The following MAP3K8 variants were observed in gnomAD, a reference collection of about 807,000 sequenced individuals.
MAP3K8 encodes Ewing sarcoma transformant.
MAP3K8 carries 22 observed loss-of-function variants against 45.8 expected under a neutral mutation model. That is an observed-to-expected ratio of 0.48 (90% confidence interval 0.34 to 0.69). The LOEUF (loss-of-function observed/expected upper bound fraction) is 0.69, where lower values mean the gene tolerates loss of function less well. Ranked by LOEUF, MAP3K8 falls within the 30% of genes least tolerant of loss-of-function variation. The pLI, the probability that MAP3K8 is intolerant of heterozygous loss-of-function variation, is 0.01. For synonymous variants in MAP3K8, 223 were observed against 214.3 expected (o/e 1.04, Z -0.36); for missense variants, 419 against 585.0 (o/e 0.72, Z 2.93).
At chr10:30,443,228 T>G (rs575900143) in intron 3 of MAP3K8, among the ~76,000 whole-genome samples, 4 of 152,222 alleles carry the variant, frequency 2.6e-5, no homozygotes, top group Non-Finnish European at 5.9e-5. Flanking sequence ...CACCTGTCTG[T>G]GCCTCAGTTT....
intron 3 of MAP3K8, among the ~76,000 whole-genome samples, chr10:30,439,717 G>C (rs1026679038): frequency 6.6e-6 from 1 of 152,114 alleles, no homozygotes; most frequent in Non-Finnish European, 1.5e-5. Flanking sequence ...GCTGAGGCAC[G>C]AGAATCCCTT....
At chr10:30,451,512 C>A in intron 5 of MAP3K8, 126 bp from the exon 6 acceptor site, 1 of 504,704 alleles carries the variant, frequency 2.0e-6, no homozygotes, top group South Asian at 3.6e-5. Context: ...ATAATACAAC[C>A]ATCTCACTAG....
chr10:30,435,266 G>A (rs1199246818), intron 1 of MAP3K8, among the ~76,000 whole-genome samples: 1 of 152,184 alleles, frequency 6.6e-6, no homozygotes, highest in Admixed American at 6.5e-5. Context: ...GGCCTGAGTC[G>A]TTTGTGCCAA....
intron 6 of MAP3K8, among the ~76,000 whole-genome samples, chr10:30,452,849 T>G (rs1287217370): frequency 6.6e-6 from 1 of 151,866 alleles, no homozygotes; most frequent in East Asian, 1.9e-4. Flanking sequence ...CTAATTTTTT[T>G]TTTTTTTCAG....
chr10:30,438,818 T>C, intron 2 of MAP3K8, 98 bp from the exon 3 acceptor site: 1 of 667,480 alleles, frequency 1.5e-6, no homozygotes, highest in Non-Finnish European at 2.5e-6. Context: ...AACAAAAGCA[T>C]ATAAAATCCT....
chr10:30,458,758 T>C (rs752428343), intron 7 of MAP3K8, among the ~76,000 whole-genome samples: 3 of 152,198 alleles, frequency 2.0e-5, no homozygotes, highest in Non-Finnish European at 4.4e-5. Flanking sequence ...AATCAGAAGA[T>C]GGGTTTAACC....
intron 3 of MAP3K8, among the ~76,000 whole-genome samples, chr10:30,444,400 T>A (rs1836236670): frequency 6.6e-6 from 1 of 151,138 alleles, no homozygotes; most frequent in Admixed American, 6.6e-5. Flanking sequence ...GAGGCAGAGG[T>A]TGCGATGAGC....
chr10:30,455,635 T>G (rs1836706879), intron 6 of MAP3K8, among the ~76,000 whole-genome samples: 1 of 152,222 alleles, frequency 6.6e-6, no homozygotes, highest in East Asian at 1.9e-4. Flanking sequence ...CTTCTAAGTC[T>G]GCTTGGTTTT....
chr10:30,434,354 C>A lies in MAP3K8; in HGVS notation c.-279C>A. 1 of 731,288 alleles carries A rather than the reference C, an allele frequency of 1.4e-6. No individual in the cohort carries two copies. Among genetic ancestry groups the A allele is most frequent in the Non-Finnish European group, 1.7e-6 (1 of 597,476 alleles). The allele number at this position is 731,288 out of a possible 1,614,324, so 45.3% of individuals were successfully genotyped here. A position where few individuals can be genotyped will look rare whatever the true frequency, so the allele number is the denominator to read the frequency against. Reference sequence around the variant, plus strand: ...GGGGGCCGCGGCTGGAGCGCTCGGCCGGCGTGGGAGCGCCAAGGCCGCAGG... The same window carrying A: ...GGGGGCCGCGGCTGGAGCGCTCGGCAGGCGTGGGAGCGCCAAGGCCGCAGG... On this transcript the variant is annotated 5_prime_UTR_variant, in exon 1 of 9. Coordinates refer to ENST00000263056, the MANE Select transcript of MAP3K8 (RefSeq NM_005204.4).
chr10:30,455,094 A>G (rs918391413), intron 6 of MAP3K8, among the ~76,000 whole-genome samples: 6 of 152,200 alleles, frequency 3.9e-5, no homozygotes, highest in African/African-American at 1.4e-4. Flanking sequence ...ACTCCTGAGT[A>G]GTATTTGGAT....
rs1554774887 is a variant in MAP3K8 at position 30,458,273 on chromosome 10, G to GGGT, written c.1026+39_1026+40insTGG. 3.7e-6 allele frequency: 5 copies of GGGT among 1,364,624 alleles called. No individual in the cohort carries two copies. In the African/African-American group the frequency reaches 7.4e-5, roughly 20 times the overall value. 84.5% of individuals were successfully genotyped at this position (1,364,624 alleles called of 1,614,324 possible). A position where few individuals can be genotyped will look rare whatever the true frequency, so the allele number is the denominator to read the frequency against. On this transcript the variant is annotated intron_variant, in intron 7 of 8. Transcript: ENST00000263056. ...TCAACCAGGGCTGGGGGCGGCGGGG[G>GGGT]GGGGCGTTGAGTTATGCATCCCGCA... is the stretch of plus-strand genomic sequence containing the variant.
intron 3 of MAP3K8, among the ~76,000 whole-genome samples, chr10:30,445,540 ATATT>A (rs1293201631): frequency 6.6e-6 from 1 of 152,258 alleles, no homozygotes; most frequent in East Asian, 1.9e-4. Context: ...AGGCCTGTAA[ATATT>A]TAATGACAAG....
At chr10:30,460,042 C>T (rs1343077629) in intron 8 of MAP3K8, among the ~76,000 whole-genome samples, 2 of 152,022 alleles carry the variant, frequency 1.3e-5, no homozygotes, top group African/African-American at 2.4e-5. Flanking sequence ...GGGGTTTCAC[C>T]GTGTTGGCCA....
chr10:30,451,581 A>T (rs1836540361), intron 5 of MAP3K8, 57 bp from the exon 6 acceptor site: 2 of 884,012 alleles, frequency 2.3e-6, no homozygotes, highest in Admixed American at 4.3e-5. Flanking sequence ...TAATGTTTTC[A>T]TTTGACTTAT....
Position 30,439,078 on chromosome 10 carries a change from T to A in MAP3K8, c.140T>A (p.Met47Lys). ...EEPAVYEPSL[M>K]TMCQDSNQND... ...CCAGCAGTTTATGAACCCAGTCTAA[T>A]GACCATGTGTCAAGACAGTAATCAA... Residue 47 changes from methionine (M) to lysine (K), a missense_variant, in exon 3 of 9, where the codon ATG becomes AAG. Physicochemically the swap from Met to Lys is moderately conservative, Grantham distance 95. Transcript: ENST00000263056. The A allele has an allele frequency of 6.2e-7, 1 of 1,614,264 alleles. No individual in the cohort carries two copies. Among genetic ancestry groups the A allele is most frequent in the Non-Finnish European group, 8.5e-7 (1 of 1,180,040 alleles).
chr10:30,449,077 C>T (rs1055522032), intron 4 of MAP3K8, among the ~76,000 whole-genome samples: 3 of 152,056 alleles, frequency 2.0e-5, no homozygotes, highest in Non-Finnish European at 4.4e-5. Flanking sequence ...TAGCCAGACA[C>T]GAAATGAGAT....
chr10:30,443,733 TA>T (rs8177056), intron 3 of MAP3K8, among the ~76,000 whole-genome samples: 15,229 of 152,298 alleles, frequency 0.1, 945 homozygotes, highest in Middle Eastern at 0.16. Context: ...CTATAATACT[TA>T]AAGAGTTTTC....
intron 2 of MAP3K8, 72 bp from the exon 3 acceptor site, chr10:30,438,844 A>T (rs1266724768): frequency 6.3e-6 from 5 of 789,066 alleles, no homozygotes; most frequent in East Asian, 5.4e-5. Context: ...CAATCCTTGT[A>T]TGTCAGTTTC....
chr10:30,443,195 G>T (rs1228194158), intron 3 of MAP3K8, among the ~76,000 whole-genome samples: 2 of 148,926 alleles, frequency 1.3e-5, no homozygotes, highest in Non-Finnish European at 2.9e-5. Flanking sequence ...TGGATTGGCT[G>T]TGTGACCCTG....
Sources: allele counts gnomAD v4.1 joint callset (sites outside exome capture counted in the v4.1 genomes callset), GRCh38; gene constraint gnomAD v4.1.1; transcripts MANE v1.5; gene names NCBI Gene and HGNC (gene_info 2026-07-23, HGNC 2026-07-21).